Variants in SND1 observed in about 807,000 individuals in gnomAD.
The protein encoded by SND1 is staphylococcal nuclease and tudor domain containing 1.
Under a neutral mutation model 121.7 loss-of-function variants are expected in SND1, and 38 were observed. The observed-to-expected ratio is 0.31, with a 90% CI of 0.24 to 0.41. The LOEUF (loss-of-function observed/expected upper bound fraction) is 0.41, where lower values mean the gene tolerates loss of function less well. Ranked by LOEUF, SND1 falls within the 10% of genes least tolerant of loss-of-function variation. SND1 has a pLI of 1.00. For synonymous variants in SND1, 401 were observed against 447.4 expected, an observed-to-expected ratio of 0.90 and a Z score of 1.31; for missense variants, 868 against 1,184.6, an observed-to-expected ratio of 0.73 and a Z score of 3.92.
intron 15 of SND1, among the ~76,000 whole-genome samples, chr7:127,987,870 G>A (rs913567869): frequency 7.8e-5 from 11 of 141,684 alleles, no homozygotes; most frequent in South Asian, 6.3e-4. Flanking sequence ...TTGTGGAAAC[G>A]TAATAATTGC....
At chr7:128,087,088 T>C in intron 21 of SND1, 37 bp downstream of exon 21, 2 of 1,518,770 alleles carry the variant, frequency 1.3e-6, no homozygotes, top group South Asian at 1.1e-5. Flanking sequence ...AAGGGGACTA[T>C]CCACTGACAC....
At chr7:127,990,469 T>C (rs997040433) in intron 15 of SND1, among the ~76,000 whole-genome samples, 2 of 152,188 alleles carry the variant, frequency 1.3e-5, no homozygotes, top group African/African-American at 2.4e-5. Context: ...GACACTGAAT[T>C]AACACTTTTG....
intron 1 of SND1, among the ~76,000 whole-genome samples, chr7:127,683,874 A>G (rs1381268234): frequency 4.5e-4 from 68 of 152,224 alleles, no homozygotes; most frequent in Non-Finnish European, 4.4e-5. Flanking sequence ...CATTAACTGA[A>G]TGGCATTTTT....
intron 10 of SND1, among the ~76,000 whole-genome samples, chr7:127,749,160 A>G (rs560850599): frequency 1.2e-4 from 18 of 150,290 alleles, no homozygotes; most frequent in Middle Eastern, 3.4e-3. Flanking sequence ...CAGCCTCCCA[A>G]CTAGCTGGGA....
chr7:127,907,748 C>A (rs1166662496), intron 14 of SND1, among the ~76,000 whole-genome samples: 1 of 152,176 alleles, frequency 6.6e-6, no homozygotes, highest in East Asian at 1.9e-4. Flanking sequence ...AATGGTGGAG[C>A]AAATAACCTG....
intron 10 of SND1, among the ~76,000 whole-genome samples, chr7:127,737,088 T>C (rs1255823477): frequency 6.6e-6 from 1 of 152,214 alleles, no homozygotes; most frequent in Admixed American, 6.5e-5. Flanking sequence ...AATTAAAATA[T>C]AAGAGCATAA....
At chr7:127,953,896 G>A (rs928789950) in intron 15 of SND1, among the ~76,000 whole-genome samples, 2 of 152,196 alleles carry the variant, frequency 1.3e-5, no homozygotes, top group African/African-American at 2.4e-5. Flanking sequence ...GGAAGGAAAT[G>A]AAATTTCAGC....
intron 16 of SND1, chr7:128,028,510 T>C: frequency 1.5e-6 from 1 of 659,822 alleles, no homozygotes; most frequent in Non-Finnish European, 2.4e-6. Flanking sequence ...AGAAAATATT[T>C]TTGTTTTGAC....
At chr7:127,691,343 C>A (rs888223932) in intron 2 of SND1, among the ~76,000 whole-genome samples, 1 of 151,940 alleles carries the variant, frequency 6.6e-6, no homozygotes, top group African/African-American at 2.4e-5. Flanking sequence ...GAGTTCGAGA[C>A]CAGCCTGGCC....
At chr7:127,957,484 G>A (rs1801621637) in intron 15 of SND1, among the ~76,000 whole-genome samples, 1 of 152,158 alleles carries the variant, frequency 6.6e-6, no homozygotes, top group Admixed American at 6.5e-5. Flanking sequence ...ATGACCTCCT[G>A]AGTTTCAGTG....
chr7:127,765,962 C>T (rs1302507062), intron 10 of SND1, among the ~76,000 whole-genome samples: 2 of 152,156 alleles, frequency 1.3e-5, no homozygotes, highest in African/African-American at 4.8e-5. Flanking sequence ...TTTTTGATGG[C>T]TGTTGTGGTC....
At chr7:128,062,933 T>C (rs1793254818) in intron 16 of SND1, among the ~76,000 whole-genome samples, 1 of 152,236 alleles carries the variant, frequency 6.6e-6, no homozygotes, top group South Asian at 2.1e-4. Flanking sequence ...GGGTGACTTG[T>C]AGCTTCCAGC....
chr7:127,702,586 T>C, intron 6 of SND1, 60 bp downstream of exon 6: 2 of 1,348,158 alleles, frequency 1.5e-6, no homozygotes, highest in East Asian at 2.3e-5. Flanking sequence ...CAGTGATGGA[T>C]TCTTCTACTT....
At chr7:127,734,997 A>C (rs1166245917) in intron 10 of SND1, among the ~76,000 whole-genome samples, 1 of 152,182 alleles carries the variant, frequency 6.6e-6, no homozygotes, top group Non-Finnish European at 1.5e-5. Context: ...TTATTTACAG[A>C]GTCTGAGTAA....
At chr7:127,806,718 G>T (rs1413396064) in intron 10 of SND1, among the ~76,000 whole-genome samples, 1 of 152,198 alleles carries the variant, frequency 6.6e-6, no homozygotes, top group Non-Finnish European at 1.5e-5. Flanking sequence ...CACTTTGGGT[G>T]GGAGGCAGAG....
At chr7:127,662,890 CTTTT>C (rs34629378) in intron 1 of SND1, among the ~76,000 whole-genome samples, 1 of 122,510 alleles carries the variant, frequency 8.2e-6, no homozygotes, top group Admixed American at 8.7e-5. Context: ...CCTCTTTTAT[CTTTT>C]TTTTTTTTTT....
rs1792500957 is a variant in SND1 at position 128,029,258 on chromosome 7, G to A, written c.1779+38202G>A. The A allele has an allele frequency of 6.2e-7, 1 of 1,614,014 alleles. No homozygotes were observed. Among genetic ancestry groups the A allele is most frequent in the Admixed American group, 1.7e-5 (1 of 59,998 alleles). The stretch of plus-strand genomic sequence containing the variant: ...TTGTGTCCTCAGGCGAGATCTCCGT[G>A]GTCTCCACTGTTACTGTGGTGAAGA... On this transcript the variant is annotated intron_variant, in intron 16 of 23. Coordinates refer to ENST00000354725, the MANE Select transcript of SND1 (RefSeq NM_014390.4). This position sits in a 1 kb window ranked among gnomAD's most constrained non-coding sequence, Gnocchi z 4.2.
intron 10 of SND1, among the ~76,000 whole-genome samples, chr7:127,799,148 G>C (rs1158996329): frequency 1.3e-5 from 2 of 152,184 alleles, no homozygotes; most frequent in Non-Finnish European, 2.9e-5. Context: ...GCTCCCAGGA[G>C]ATTCTTAGGC....
At chr7:128,020,169 A>C (rs1803313127) in intron 16 of SND1, among the ~76,000 whole-genome samples, 1 of 152,242 alleles carries the variant, frequency 6.6e-6, no homozygotes, top group Non-Finnish European at 1.5e-5. Flanking sequence ...AAGAGAAAGG[A>C]AAGTTGCCTG....
Sources: gnomAD v4.1 joint callset for allele counts (sites outside exome capture counted in the v4.1 genomes callset) on GRCh38, gnomAD v4.1.1 for gene constraint, Gnocchi (gnomAD v3.1) non-coding constraint, MANE v1.5 for transcripts, NCBI Gene and HGNC (gene_info 2026-07-23, HGNC 2026-07-21) for gene names.